Variants in BTBD9 observed in about 807,000 individuals in gnomAD.
BTBD9 encodes the protein BTB domain containing 9.
A neutral mutation model predicts 64.3 loss-of-function variants in BTBD9; 49 were observed. The ratio of observed to expected loss-of-function variants is 0.76; its 90% confidence interval spans 0.61 to 0.97. The LOEUF (loss-of-function observed/expected upper bound fraction) is 0.97, where lower values mean the gene tolerates loss of function less well. BTBD9 is among the 50% of genes least tolerant of loss of function. The probability of loss-of-function intolerance (pLI) is 0.00; values close to 1 mark genes in which losing one functional copy is unlikely to be tolerated. For missense variants in BTBD9, 598 were observed against 762.1 expected (o/e 0.78, Z 2.53); for synonymous variants, 260 against 274.7 (o/e 0.95, Z 0.53).
At chr6:38,556,192 A>G (rs1167134283) in intron 6 of BTBD9, among the ~76,000 whole-genome samples, 5 of 152,192 alleles carry the variant, frequency 3.3e-5, no homozygotes, top group Admixed American at 6.5e-5. Context: ...AGCACATCCC[A>G]AGGTACATCC....
rs576093196 is a variant in BTBD9 at position 38,282,039 on chromosome 6, G to C, written c.1454+6233C>G. The stretch of plus-strand genomic sequence containing the variant: ...ATACTAGCCTGAAAACACTAAAAAG[G>C]ATATCACAATTAGCAAGTAGAAAGA... On this transcript the variant is annotated intron_variant, in intron 8 of 10. Coordinates refer to ENST00000481247, the MANE Select transcript of BTBD9 (RefSeq NM_001099272.2). 2.0e-5 allele frequency among the ~76,000 whole-genome samples: 3 copies of C among 152,228 alleles called. No individual in the cohort carries two copies. In the East Asian group the frequency reaches 5.8e-4, roughly 29 times the overall value.
chr6:38,289,720 T>A (rs960816662), intron 7 of BTBD9, among the ~76,000 whole-genome samples: 2 of 152,188 alleles, frequency 1.3e-5, no homozygotes, highest in African/African-American at 4.8e-5. Context: ...TGCTGCATCT[T>A]AAAAACCCAG....
chr6:38,474,942 C>T (rs1314390488), intron 6 of BTBD9, among the ~76,000 whole-genome samples: 2 of 152,090 alleles, frequency 1.3e-5, no homozygotes, highest in African/African-American at 4.8e-5. Flanking sequence ...CAAGAATATT[C>T]ATCAGAGCGT....
At chr6:38,414,587 C>T (rs1767582347) in intron 6 of BTBD9, among the ~76,000 whole-genome samples, 2 of 152,166 alleles carry the variant, frequency 1.3e-5, no homozygotes, top group Admixed American at 6.5e-5. Context: ...CCCACTTATT[C>T]CTCAGCATGC....
At chr6:38,481,111 A>C (rs1771118847) in intron 6 of BTBD9, among the ~76,000 whole-genome samples, 1 of 151,848 alleles carries the variant, frequency 6.6e-6, no homozygotes, top group African/African-American at 2.4e-5. Flanking sequence ...GAGGCAAAAC[A>C]GAAAGGTTTA....
Position 38,374,283 on chromosome 6 carries a change from G to GTATATATATA in BTBD9, c.1155-29200_1155-29191dup, listed in dbSNP as rs57568036. 4.9e-3 allele frequency among the ~76,000 whole-genome samples: 224 copies of GTATATATATA among 45,288 alleles called. 8 individuals are homozygous for GTATATATATA. Among genetic ancestry groups the GTATATATATA allele is most frequent in the South Asian group, 6.7e-3 (6 of 894 alleles). The allele number at this position is 45,288 out of a possible 152,430, so 29.7% of individuals were successfully genotyped here. A position where few individuals can be genotyped will look rare whatever the true frequency, so the allele number is the denominator to read the frequency against. The stretch of plus-strand genomic sequence containing the variant: ...GGCCTTGTGTCGAAAAAAAAAAAAA[G>GTATATATATA]TATATATATATATGTATATATATGT... On this transcript the variant is annotated intron_variant, in intron 6 of 10. Transcript: ENST00000481247.
intron 9 of BTBD9, among the ~76,000 whole-genome samples, chr6:38,229,534 C>A (rs534246711): frequency 6.6e-6 from 1 of 152,110 alleles, no homozygotes; most frequent in South Asian, 2.1e-4. Context: ...GGTGCCCAGG[C>A]GTGTCTTGAC....
At chr6:38,193,842 C>A in intron 9 of BTBD9, 1 of 985,382 alleles carries the variant, frequency 1.0e-6, no homozygotes, top group African/African-American at 1.7e-5. Context: ...TCAGGTGTTC[C>A]ATCTTCCCTC....
chr6:38,367,687 G>A (rs1765232363), intron 6 of BTBD9, among the ~76,000 whole-genome samples: 1 of 151,000 alleles, frequency 6.6e-6, no homozygotes, highest in African/African-American at 2.4e-5. Context: ...GGCAGATAGG[G>A]TAACTAAACA....
At chr6:38,374,283 G>GTATATATATATACA (rs1554143528) in intron 6 of BTBD9, among the ~76,000 whole-genome samples, 28 of 45,440 alleles carry the variant, frequency 6.2e-4, no homozygotes, top group Non-Finnish European at 8.5e-4. Flanking sequence ...AAAAAAAAAA[G>GTATATATATATACA]TATATATATA....
intron 6 of BTBD9, among the ~76,000 whole-genome samples, chr6:38,443,448 A>G (rs1057250678): frequency 2.0e-5 from 3 of 152,004 alleles, no homozygotes; most frequent in African/African-American, 7.3e-5. Flanking sequence ...CCCCTGTCTC[A>G]CTTTCCCCTT....
intron 9 of BTBD9, chr6:38,193,813 T>C: frequency 1.0e-6 from 1 of 985,408 alleles, no homozygotes; most frequent in Non-Finnish European, 1.2e-6. Flanking sequence ...ATTTGCAGTT[T>C]GTTTTTCCCC....
intron 6 of BTBD9, among the ~76,000 whole-genome samples, chr6:38,354,968 G>A (rs1764661760): frequency 6.6e-6 from 1 of 151,990 alleles, no homozygotes; most frequent in Non-Finnish European, 1.5e-5. Flanking sequence ...TGTGTTAAGT[G>A]CCAAAACTAG....
chr6:38,495,170 C>T (rs1287183766), intron 6 of BTBD9, among the ~76,000 whole-genome samples: 2 of 152,202 alleles, frequency 1.3e-5, no homozygotes, highest in Non-Finnish European at 2.9e-5. Flanking sequence ...CTTGTTTCCA[C>T]CGCTACAGAT....
In BTBD9 at chr6:38,431,412, T is replaced by C. The variant is rs182621798; in HGVS notation, c.1155-86319A>G. On this transcript the variant is annotated intron_variant, in intron 6 of 10. Coordinates refer to ENST00000481247, the MANE Select transcript of BTBD9 (RefSeq NM_001099272.2). ...TTTCATGTAAACCATATAGCATACA[T>C]ACTATTACCAACCCAGTTTCACAGA... Among the ~76,000 whole-genome samples the C allele has an allele frequency of 2.0e-5, 3 of 152,368 alleles. No homozygotes were observed. The East Asian group carries it at 5.8e-4, about 29-fold the overall frequency.
chr6:38,497,973 A>G lies in BTBD9; in HGVS notation c.1154+79627T>C, dbSNP rs77812384. 6.9e-3 allele frequency among the ~76,000 whole-genome samples: 1,050 copies of G among 152,346 alleles called. 7 individuals carry two copies. The highest frequency in any genetic ancestry group is 0.024 in the African/African-American group (992 of 41,578). ...AGAATAATGTGTGTTAGGCATGCTG[A>G]AAAATGGATTTAAGGCTGAGATGCC... On this transcript the variant is annotated intron_variant, in intron 6 of 10. Coordinates refer to ENST00000481247, the MANE Select transcript of BTBD9 (RefSeq NM_001099272.2).
At chr6:38,304,234 TA>T (rs1191366710) in intron 7 of BTBD9, among the ~76,000 whole-genome samples, 3 of 152,016 alleles carry the variant, frequency 2.0e-5, no homozygotes, top group Non-Finnish European at 4.4e-5. Flanking sequence ...TCAACTCTAC[TA>T]TCTAATTCAT....
intron 6 of BTBD9, among the ~76,000 whole-genome samples, chr6:38,375,939 GAAGGAAAGAAGGAA>G (rs1562098219): frequency 4.4e-5 from 3 of 68,804 alleles, no homozygotes; most frequent in South Asian, 1.6e-3. Context: ...AAGAAAGAAA[GAAGGAAAGAAGGAA>G]AGAAAGAAAG....
At chr6:38,187,849 G>A (rs1054105158) in intron 10 of BTBD9, among the ~76,000 whole-genome samples, 9 of 152,204 alleles carry the variant, frequency 5.9e-5, no homozygotes, top group African/African-American at 1.7e-4. Context: ...GCCAGCAGCA[G>A]ACGTACACTT....
Sources: gnomAD v4.1 joint callset for allele counts (sites outside exome capture counted in the v4.1 genomes callset) on GRCh38, gnomAD v4.1.1 for gene constraint, MANE v1.5 for transcripts, NCBI Gene and HGNC (gene_info 2026-07-23, HGNC 2026-07-21) for gene names.